Variants in APLF observed in about 807,000 individuals in gnomAD.
APLF encodes aprataxin and PNK-like factor.
In APLF, 61 loss-of-function variants were observed where a neutral mutation model predicts 55.6. That is an observed-to-expected ratio of 1.10 (90% CI 0.89 to 1.36). The LOEUF (loss-of-function observed/expected upper bound fraction) is 1.36, where lower values mean the gene tolerates loss of function less well. APLF is among the 40% of genes most tolerant of loss of function. APLF has a pLI of 0.00. For missense variants in APLF, 611 were observed against 602.5 expected, an observed-to-expected ratio of 1.01 and a Z score of -0.15; for synonymous variants, 207 against 214.8, an observed-to-expected ratio of 0.96 and a Z score of 0.32.
intron 5 of APLF, among the ~76,000 whole-genome samples, chr2:68,518,299 A>G (rs1442502580): frequency 8.7e-6 from 1 of 114,856 alleles, no homozygotes; most frequent in Non-Finnish European, 1.6e-5. Flanking sequence ...ATATATTAAT[A>G]TATTATATAT....
chr2:68,509,709 C>T (rs1412452901), intron 3 of APLF, among the ~76,000 whole-genome samples: 1 of 152,070 alleles, frequency 6.6e-6, no homozygotes, highest in East Asian at 1.9e-4. Context: ...CCAGCCATCC[C>T]ATTACTGGGT....
At chr2:68,509,095 T>C (rs974250723) in intron 3 of APLF, among the ~76,000 whole-genome samples, 2 of 152,110 alleles carry the variant, frequency 1.3e-5, no homozygotes, top group Admixed American at 6.6e-5. Flanking sequence ...GACTTAAATG[T>C]TAGACCTAAA....
At chr2:68,570,441 C>G (rs1317439561) in intron 9 of APLF, among the ~76,000 whole-genome samples, 1 of 151,552 alleles carries the variant, frequency 6.6e-6, no homozygotes, top group Non-Finnish European at 1.5e-5. Context: ...ATCCCTCCCC[C>G]ACTCCCCCCA....
chr2:68,478,386 T>C (rs1011641600), intron 1 of APLF, among the ~76,000 whole-genome samples: 1 of 152,148 alleles, frequency 6.6e-6, no homozygotes, highest in Non-Finnish European at 1.5e-5. Flanking sequence ...TTATCTTGTA[T>C]TGAAAATGCA....
intron 5 of APLF, among the ~76,000 whole-genome samples, chr2:68,518,355 T>A (rs1421075667): frequency 3.6e-5 from 4 of 111,544 alleles, no homozygotes; most frequent in Admixed American, 3.3e-4. Context: ...TATATTAATA[T>A]AGCAATATAT....
At chr2:68,488,729 T>C (rs114129741) in intron 1 of APLF, among the ~76,000 whole-genome samples, 1,626 of 152,198 alleles carry the variant, frequency 0.011, 42 homozygotes, top group African/African-American at 0.037. Context: ...TCAATTTCTA[T>C]GTAAAGTGTT....
At position 68,577,883 on chromosome 2, in the gene APLF, A is replaced by T. The variant is rs1671663533; in HGVS notation, c.1397A>T (p.Asp466Val). ...VGQPNEYDLNDSFLDDEEEDY... is the reference protein window; with the variant it reads ...VGQPNEYDLNVSFLDDEEEDY... Reference sequence around the variant, plus strand: ...CAACCCAATGAGTATGACCTGAACGACAGCTTTCTAGATGATGAGGAAGAA... The same window carrying T: ...CAACCCAATGAGTATGACCTGAACGTCAGCTTTCTAGATGATGAGGAAGAA... The change falls in exon 10 of 10, where the codon GAC becomes GTC. Residue 466 changes from aspartate to valine, a missense_variant. By Grantham distance (152) the Asp-to-Val change is radical (BLOSUM62 -3). Transcript: ENST00000303795. The T allele has an allele frequency of 6.2e-7, 1 of 1,613,698 alleles. No homozygotes were observed. Among genetic ancestry groups the T allele is most frequent in the Non-Finnish European group, 8.5e-7 (1 of 1,179,732 alleles).
At chr2:68,506,161 A>G (rs1676868256) in intron 3 of APLF, among the ~76,000 whole-genome samples, 1 of 151,828 alleles carries the variant, frequency 6.6e-6, no homozygotes, top group Non-Finnish European at 1.5e-5. Flanking sequence ...GCCATTAGCT[A>G]GGTCCTGTAG....
At chr2:68,545,624 G>T (rs180916287) in intron 8 of APLF, among the ~76,000 whole-genome samples, 2 of 152,140 alleles carry the variant, frequency 1.3e-5, no homozygotes, top group African/African-American at 4.8e-5. Context: ...TGTCCTAGGT[G>T]TGACATATAA....
At position 68,560,947 on chromosome 2, in the gene APLF, C is replaced by T. The variant is rs1485795376; in HGVS notation, c.1287-6394C>T. On this transcript the variant is annotated intron_variant, in intron 8 of 9. Coordinates refer to ENST00000303795, the MANE Select transcript of APLF (RefSeq NM_173545.3). ...GGTATTTTGCCTTGTTATGAAATAA[C>T]TGACTTTCGAAAATGGAATATGCAT... 1.4e-4 allele frequency among the ~76,000 whole-genome samples: 21 copies of T among 151,930 alleles called. 1 individual carries two copies. Among genetic ancestry groups the T allele is most frequent in the Admixed American group, 1.3e-3 (20 of 15,206 alleles).
At chr2:68,565,509 A>G (rs1671279441) in intron 8 of APLF, among the ~76,000 whole-genome samples, 1 of 113,476 alleles carries the variant, frequency 8.8e-6, no homozygotes, top group Non-Finnish European at 1.7e-5. Flanking sequence ...ACAGATAGAC[A>G]GATAGATACA....
At chr2:68,533,613 A>G (rs973945778) in intron 6 of APLF, among the ~76,000 whole-genome samples, 7 of 152,132 alleles carry the variant, frequency 4.6e-5, no homozygotes, top group African/African-American at 1.7e-4. Flanking sequence ...ACTCAGCTGA[A>G]GATGAAGCAT....
chr2:68,502,983 C>G (rs1373908669), intron 3 of APLF, 80 bp downstream of exon 3: 1 of 1,425,746 alleles, frequency 7.0e-7, no homozygotes, highest in Non-Finnish European at 9.6e-7. Flanking sequence ...CGGTAGGAAC[C>G]AGTAGAAACC....
chr2:68,572,420 TTAGTCCTAAGA>T (rs1271049072), intron 9 of APLF, among the ~76,000 whole-genome samples: 1 of 152,188 alleles, frequency 6.6e-6, no homozygotes, highest in Non-Finnish European at 1.5e-5. Flanking sequence ...AACATCCTAA[TTAGTCCTAAGA>T]TTTAATAGAA....
At chr2:68,479,976 T>C (rs1457492634) in intron 1 of APLF, among the ~76,000 whole-genome samples, 2 of 152,200 alleles carry the variant, frequency 1.3e-5, no homozygotes, top group Non-Finnish European at 2.9e-5. Context: ...TACGATTTTC[T>C]GAATAACATG....
chr2:68,538,615 T>C (rs1194842177), intron 7 of APLF, among the ~76,000 whole-genome samples: 1 of 151,094 alleles, frequency 6.6e-6, no homozygotes, highest in Non-Finnish European at 1.5e-5. Context: ...TTTAGGTGTC[T>C]TTTCTTTATA....
Position 68,518,779 on chromosome 2 carries a change from TATATAATAAAATATTAATAATCTATC to T in APLF, c.622+5116_622+5141del, listed in dbSNP as rs1414738814. ...TAATAAAATATTAATAATATATCAT[TATATAATAAAATATTAATAATCTATC>T]ATATAATAAAATATTAGTAATATAT... On this transcript the variant is annotated intron_variant, in intron 5 of 9. Coordinates refer to ENST00000303795, the MANE Select transcript of APLF (RefSeq NM_173545.3). Among the ~76,000 whole-genome samples, 104 of 96,924 alleles carry T rather than the reference TATATAATAAAATATTAATAATCTATC, an allele frequency of 1.1e-3. 1 individual carries two copies. The highest frequency in any genetic ancestry group is 2.8e-3 in the African/African-American group (64 of 23,060). 63.6% of individuals were successfully genotyped at this position (96,924 alleles called of 152,430 possible).
intron 1 of APLF, 73 bp downstream of exon 1, chr2:68,467,900 A>C (rs539014875): frequency 8.7e-7 from 1 of 1,145,622 alleles, no homozygotes; most frequent in Admixed American, 4.2e-5. Context: ...GACCGGCCCT[A>C]GTCCTGGCCG....
At chr2:68,573,832 G>A (rs1199999603) in intron 9 of APLF, among the ~76,000 whole-genome samples, 1 of 152,044 alleles carries the variant, frequency 6.6e-6, no homozygotes, top group African/African-American at 2.4e-5. Context: ...GGTAAGATGT[G>A]AATGCACATT....
Sources: gnomAD v4.1 joint callset for allele counts (sites outside exome capture counted in the v4.1 genomes callset) on GRCh38, gnomAD v4.1.1 for gene constraint, MANE v1.5 for transcripts, NCBI Gene and HGNC (gene_info 2026-07-23, HGNC 2026-07-21) for gene names.